ANXA8: variants seen among roughly 807,000 people sequenced by gnomAD.
The protein encoded by ANXA8 is annexin A8.
ANXA8 carries 9 observed loss-of-function variants against 26.8 expected under a neutral mutation model. The observed-to-expected ratio is 0.34, with a 90% confidence interval of 0.20 to 0.59. The LOEUF is 0.59. Ranked by LOEUF, ANXA8 falls within the 20% of genes least tolerant of loss-of-function variation. The pLI is 0.84. For synonymous variants in ANXA8, 39 were observed against 94.8 expected (o/e 0.41, Z 3.42); for missense variants, 83 against 238.5 (o/e 0.35, Z 4.29).
the ANXA8 span, among the ~76,000 whole-genome samples, chr10:47,731,049 CCAGCAAA>C: frequency 6.7e-6 from 1 of 150,230 alleles, no homozygotes. Context: ...AATGTATTTA[CCAGCAAA>C]CATGTAGCAA....
chr10:47,558,290 T>G, the ANXA8 span, among the ~76,000 whole-genome samples: 1 of 151,908 alleles, frequency 6.6e-6, no homozygotes, highest in East Asian at 1.9e-4. Flanking sequence ...TCTGGTGAGC[T>G]GGATGCACAG....
the ANXA8 span, among the ~76,000 whole-genome samples, chr10:47,623,860 C>T: frequency 9.5e-5 from 2 of 21,054 alleles, no homozygotes; most frequent in Non-Finnish European, 1.7e-4. Flanking sequence ...TCAGGTCTCC[C>T]TTCTTTTTTT....
chr10:47,691,069 G>A, the ANXA8 span: 1 of 1,610,990 alleles, frequency 6.2e-7, no homozygotes, highest in Non-Finnish European at 8.5e-7. Context: ...GCCATGTGAA[G>A]GAAATAAACA....
the ANXA8 span, among the ~76,000 whole-genome samples, chr10:47,540,373 G>T: frequency 9.1e-6 from 1 of 109,984 alleles, no homozygotes; most frequent in African/African-American, 3.4e-5. Flanking sequence ...GGAAACTGAG[G>T]CATGGTTCCC....
chr10:47,522,156 C>T, the ANXA8 span, among the ~76,000 whole-genome samples: 2,488 of 126,276 alleles, frequency 0.02, 22 homozygotes, highest in African/African-American at 0.049. Flanking sequence ...GGGGGAGCCA[C>T]GGCAACAAAC....
the ANXA8 span, among the ~76,000 whole-genome samples, chr10:47,640,014 T>A: frequency 9.8e-4 from 142 of 144,764 alleles, no homozygotes; most frequent in African/African-American, 3.5e-3. Flanking sequence ...TTGGTCTCAA[T>A]CTCCTGGGTT....
At chr10:47,653,278 C>G in the ANXA8 span, among the ~76,000 whole-genome samples, 1 of 149,672 alleles carries the variant, frequency 6.7e-6, no homozygotes, top group Admixed American at 6.6e-5. Flanking sequence ...CGCCACTGCA[C>G]TCCAGCCTGG....
the ANXA8 span, among the ~76,000 whole-genome samples, chr10:47,561,036 T>C: frequency 6.6e-6 from 1 of 151,624 alleles, no homozygotes; most frequent in Admixed American, 6.6e-5. Context: ...TTTTTCCTTT[T>C]CTGTGGGCCT....
chr10:47,976,377 G>A, the ANXA8 span, among the ~76,000 whole-genome samples: 2 of 151,342 alleles, frequency 1.3e-5, no homozygotes, highest in Non-Finnish European at 3.0e-5. Context: ...TGCCTTATTC[G>A]TAGTCTTCTT....
the ANXA8 span, among the ~76,000 whole-genome samples, chr10:47,645,207 A>C: frequency 1.3e-5 from 2 of 149,168 alleles, no homozygotes; most frequent in African/African-American, 5.1e-5. Context: ...TTTGACCAGA[A>C]TCATTGTAAA....
chr10:47,624,272 A>G, the ANXA8 span, among the ~76,000 whole-genome samples: 1 of 114,580 alleles, frequency 8.7e-6, no homozygotes, highest in African/African-American at 3.2e-5. Context: ...AAAGAAGTAA[A>G]AAGGCTTCAT....
the ANXA8 span, among the ~76,000 whole-genome samples, chr10:47,954,855 T>C: frequency 6.6e-6 from 1 of 151,098 alleles, no homozygotes; most frequent in Admixed American, 6.6e-5. Flanking sequence ...AAGCAAATTG[T>C]GATATTGCTG....
the ANXA8 span, among the ~76,000 whole-genome samples, chr10:47,675,686 A>C: frequency 7.9e-5 from 12 of 151,702 alleles, no homozygotes; most frequent in Non-Finnish European, 1.8e-4. Flanking sequence ...ATCTATTTTT[A>C]TATAAAATGT....
At chr10:47,507,698 C>G in the ANXA8 span, 10 of 877,772 alleles carry the variant, frequency 1.1e-5, 2 homozygotes, top group South Asian at 1.1e-4. Flanking sequence ...TTCAAATCTT[C>G]TAGTTCAGAA....
chr10:47,664,104 C>T, the ANXA8 span, among the ~76,000 whole-genome samples: 11 of 151,048 alleles, frequency 7.3e-5, 1 homozygote, highest in East Asian at 1.9e-4. Context: ...TGGCTGGGTG[C>T]GGTGGCTGAC....
the ANXA8 span, chr10:47,588,571 G>T: frequency 7.0e-6 from 1 of 142,324 alleles, no homozygotes; most frequent in Non-Finnish European, 1.5e-5. Context: ...GTGGGGACTT[G>T]GCAAGGTCAC....
At chr10:47,674,503 G>C in the ANXA8 span, among the ~76,000 whole-genome samples, 1,527 of 151,534 alleles carry the variant, frequency 0.01, 23 homozygotes, top group African/African-American at 0.036. Flanking sequence ...TATTGACCTT[G>C]ATCATCTGGT....
chr10:47,775,853 G>T, the ANXA8 span, among the ~76,000 whole-genome samples: 1 of 150,232 alleles, frequency 6.7e-6, no homozygotes, highest in African/African-American at 2.4e-5. Context: ...AATCAGGCTG[G>T]TCAGGATTTG....
At chr10:47,687,244 A>G in the ANXA8 span, among the ~76,000 whole-genome samples, 1 of 151,702 alleles carries the variant, frequency 6.6e-6, no homozygotes, top group African/African-American at 2.4e-5. Context: ...ATTTGCATAT[A>G]TCTAAGTATT....
Sources: allele counts gnomAD v4.1 joint callset (sites outside exome capture counted in the v4.1 genomes callset), GRCh38; gene constraint gnomAD v4.1.1; transcripts MANE v1.5; gene names NCBI Gene and HGNC (gene_info 2026-07-23, HGNC 2026-07-21).